The following IMMP2L variants were observed in gnomAD, a reference collection of about 807,000 sequenced individuals.
IMMP2L encodes mitochondrial inner membrane protease subunit 2.
A neutral mutation model predicts 19.3 loss-of-function variants in IMMP2L; 18 were observed. The ratio of observed to expected loss-of-function variants is 0.93; its 90% CI spans 0.64 to 1.38. The LOEUF (loss-of-function observed/expected upper bound fraction) is 1.38. IMMP2L is among the 40% of genes most tolerant of loss of function. The probability of loss-of-function intolerance (pLI) is 0.00; values close to 1 mark genes in which losing one functional copy is unlikely to be tolerated. For missense variants in IMMP2L, 233 were observed against 218.2 expected, an observed-to-expected ratio of 1.07 and a Z score of -0.43; for synonymous variants, 76 against 73.0, an observed-to-expected ratio of 1.04 and a Z score of -0.21.
chr7:111,254,677 G>A (rs912045137), intron 3 of IMMP2L, among the ~76,000 whole-genome samples: 6 of 152,090 alleles, frequency 3.9e-5, no homozygotes, highest in African/African-American at 1.4e-4. Context: ...GTATACATGA[G>A]AGATTGGTTC....
chr7:111,316,611 G>A (rs1174442806), intron 3 of IMMP2L, among the ~76,000 whole-genome samples: 1 of 151,984 alleles, frequency 6.6e-6, no homozygotes, highest in Non-Finnish European at 1.5e-5. Context: ...TTATGAAGGA[G>A]TAGAGAGAAT....
intron 2 of IMMP2L, among the ~76,000 whole-genome samples, chr7:111,514,122 T>C (rs567657225): frequency 6.6e-6 from 1 of 152,168 alleles, no homozygotes; most frequent in African/African-American, 2.4e-5. Context: ...TACAGCAAGG[T>C]GACTATAGCT....
chr7:111,561,687 C>G (rs1792078681), intron 1 of IMMP2L, among the ~76,000 whole-genome samples, 164 bp downstream of exon 1: 1 of 152,106 alleles, frequency 6.6e-6, no homozygotes, highest in Non-Finnish European at 1.5e-5. Context: ...AGTCCGGGGC[C>G]TGGAGCCTGT....
At chr7:110,907,835 C>G (rs1333492040) in intron 4 of IMMP2L, among the ~76,000 whole-genome samples, 1 of 151,960 alleles carries the variant, frequency 6.6e-6, no homozygotes, top group Admixed American at 6.6e-5. Flanking sequence ...GCAACCATGC[C>G]AACAGTGAGT....
At chr7:111,082,688 C>G (rs1373328914) in intron 3 of IMMP2L, among the ~76,000 whole-genome samples, 1 of 152,040 alleles carries the variant, frequency 6.6e-6, no homozygotes, top group Non-Finnish European at 1.5e-5. Context: ...CTGGGGAGCA[C>G]CCCCAAAGTC....
intron 3 of IMMP2L, among the ~76,000 whole-genome samples, chr7:111,031,313 G>A (rs1215166526): frequency 6.6e-6 from 1 of 150,952 alleles, no homozygotes; most frequent in African/African-American, 2.4e-5. Context: ...ATGCTTCTAG[G>A]ACAAGAACAG....
chr7:111,013,341 G>A (rs759285367), intron 3 of IMMP2L, among the ~76,000 whole-genome samples: 2 of 152,094 alleles, frequency 1.3e-5, no homozygotes, highest in African/African-American at 4.8e-5. Context: ...AGGCAGGCTG[G>A]CCAATGAAAA....
chr7:111,270,104 C>G (rs1818297220), intron 3 of IMMP2L, among the ~76,000 whole-genome samples: 1 of 149,662 alleles, frequency 6.7e-6, no homozygotes. Context: ...TGTATCCTCC[C>G]CACTGATTTG....
chr7:110,979,406 G>T (rs1288080019), intron 3 of IMMP2L, among the ~76,000 whole-genome samples: 1 of 151,950 alleles, frequency 6.6e-6, no homozygotes, highest in Non-Finnish European at 1.5e-5. Context: ...TTAAACAATA[G>T]AATTACAGAT....
At chr7:111,029,148 A>C (rs1827152037) in intron 3 of IMMP2L, among the ~76,000 whole-genome samples, 1 of 152,202 alleles carries the variant, frequency 6.6e-6, no homozygotes. Flanking sequence ...TTGAGTTCTC[A>C]ATAGATTTAA....
intron 3 of IMMP2L, among the ~76,000 whole-genome samples, chr7:111,407,560 A>G (rs1254885907): frequency 2.0e-5 from 3 of 152,112 alleles, no homozygotes; most frequent in African/African-American, 7.2e-5. Context: ...ACAAAAGACC[A>G]TTTATTGTGT....
At chr7:111,459,363 A>G (rs1336849980) in intron 3 of IMMP2L, among the ~76,000 whole-genome samples, 3 of 152,166 alleles carry the variant, frequency 2.0e-5, no homozygotes, top group African/African-American at 7.2e-5. Context: ...CGTTAGCTCC[A>G]TGAGTGCAGG....
chr7:111,501,138 G>A (rs1488458251), intron 2 of IMMP2L, among the ~76,000 whole-genome samples: 1 of 152,132 alleles, frequency 6.6e-6, no homozygotes, highest in East Asian at 1.9e-4. Context: ...AGGAGCTGAT[G>A]GAGCTGAAAG....
At chr7:110,740,039 A>C (rs1424417438) in intron 5 of IMMP2L, among the ~76,000 whole-genome samples, 1 of 152,182 alleles carries the variant, frequency 6.6e-6, no homozygotes, top group Non-Finnish European at 1.5e-5. Context: ...CAACCTATCA[A>C]AACCTCTGGG....
At chr7:110,876,035 G>C (rs574242718) in intron 5 of IMMP2L, among the ~76,000 whole-genome samples, 1 of 151,870 alleles carries the variant, frequency 6.6e-6, no homozygotes, top group Admixed American at 6.6e-5. Context: ...TCAAAAAAAC[G>C]GATACATTTC....
At chr7:111,273,594 G>A (rs1465070102) in intron 3 of IMMP2L, among the ~76,000 whole-genome samples, 1 of 152,064 alleles carries the variant, frequency 6.6e-6, no homozygotes, top group Non-Finnish European at 1.5e-5. Context: ...GCAGGGAGGT[G>A]CACGTGCAAT....
intron 3 of IMMP2L, among the ~76,000 whole-genome samples, chr7:111,365,036 C>A (rs1013276730): frequency 9.9e-5 from 15 of 151,700 alleles, no homozygotes; most frequent in African/African-American, 3.4e-4. Flanking sequence ...TTAAAATCAT[C>A]CATTATAACA....
chr7:111,133,770 G>C (rs148238472), intron 3 of IMMP2L, among the ~76,000 whole-genome samples: 1 of 151,892 alleles, frequency 6.6e-6, no homozygotes, highest in Non-Finnish European at 1.5e-5. Context: ...AAAGAAAATA[G>C]ACATAGGCAC....
intron 3 of IMMP2L, among the ~76,000 whole-genome samples, chr7:111,254,292 C>T (rs1816464490): frequency 1.3e-5 from 2 of 151,940 alleles, no homozygotes; most frequent in South Asian, 4.1e-4. Flanking sequence ...ATCCTAAGCA[C>T]TCTGGAATGA....
Sources: allele counts gnomAD v4.1 joint callset (sites outside exome capture counted in the v4.1 genomes callset), GRCh38; gene constraint gnomAD v4.1.1; transcripts MANE v1.5; gene names NCBI Gene and HGNC (gene_info 2026-07-23, HGNC 2026-07-21).